Variants in WASF3 observed in about 807,000 individuals in gnomAD.
WASF3 encodes actin-binding protein WASF3.
In WASF3, 11 loss-of-function variants were observed where a neutral mutation model predicts 46.6. That is an observed-to-expected ratio of 0.24 (90% CI 0.15 to 0.39). The LOEUF (loss-of-function observed/expected upper bound fraction) is 0.39, where lower values mean the gene tolerates loss of function less well. Ranked by LOEUF, WASF3 falls within the 10% of genes least tolerant of loss-of-function variation. WASF3 has a pLI of 1.00. For missense variants in WASF3, 576 were observed against 669.8 expected (o/e 0.86, Z 1.55); for synonymous variants, 242 against 259.7 (o/e 0.93, Z 0.65).
chr13:26,603,521 A>T (rs760384759), intron 1 of WASF3, among the ~76,000 whole-genome samples: 4 of 152,174 alleles, frequency 2.6e-5, no homozygotes, highest in Non-Finnish European at 5.9e-5. Flanking sequence ...AGCAACTTTA[A>T]GCACAGTTAA....
chr13:26,555,863 C>A (rs1229212168), upstream of WASF3, among the ~76,000 whole-genome samples: 1 of 152,206 alleles, frequency 6.6e-6, no homozygotes, highest in African/African-American at 2.4e-5. Flanking sequence ...GATGCAGCAA[C>A]ATTTTATTAA....
chr13:26,549,663 C>A, the WASF3 span, among the ~76,000 whole-genome samples: 1 of 152,194 alleles, frequency 6.6e-6, no homozygotes, highest in Non-Finnish European at 1.5e-5. Context: ...GATGACTCAT[C>A]TGTCAAATAT....
chr13:26,665,698 A>G (rs1882750335), intron 4 of WASF3, among the ~76,000 whole-genome samples: 2 of 152,214 alleles, frequency 1.3e-5, no homozygotes, highest in Middle Eastern at 3.2e-3. Flanking sequence ...GTCGACAAGC[A>G]TTGTATAGTT....
At chr13:26,661,672 G>T (rs922096343) in intron 3 of WASF3, among the ~76,000 whole-genome samples, 1 of 152,096 alleles carries the variant, frequency 6.6e-6, no homozygotes, top group African/African-American at 2.4e-5. Context: ...ATTTTGGGGG[G>T]AACCACCACA....
chr13:26,659,822 G>T (rs1197722934), intron 3 of WASF3, among the ~76,000 whole-genome samples: 2 of 152,160 alleles, frequency 1.3e-5, no homozygotes, highest in African/African-American at 4.8e-5. Flanking sequence ...GAATGGAGCT[G>T]GCTCTTCCAA....
intron 4 of WASF3, among the ~76,000 whole-genome samples, chr13:26,665,367 T>C (rs993818756): frequency 2.0e-5 from 3 of 152,248 alleles, no homozygotes; most frequent in African/African-American, 7.2e-5. Context: ...CTCATAACTC[T>C]ATACTCTTTT....
intron 1 of WASF3, among the ~76,000 whole-genome samples, chr13:26,611,910 A>G (rs1486205261): frequency 6.6e-6 from 1 of 151,650 alleles, no homozygotes; most frequent in Non-Finnish European, 1.5e-5. Flanking sequence ...ACTGGCCTAC[A>G]TAGAATTCAT....
intron 1 of WASF3, among the ~76,000 whole-genome samples, chr13:26,608,048 C>T (rs1434213416): frequency 1.4e-5 from 2 of 146,590 alleles, no homozygotes; most frequent in Admixed American, 6.9e-5. Flanking sequence ...CCCACCCCCC[C>T]GTCCCCCTTA....
intron 3 of WASF3, among the ~76,000 whole-genome samples, chr13:26,657,970 T>C (rs1353874608): frequency 6.6e-6 from 1 of 152,218 alleles, no homozygotes; most frequent in Non-Finnish European, 1.5e-5. Flanking sequence ...AAATGTAGTA[T>C]CAGTTGCATG....
Position 26,577,105 on chromosome 13 carries a change from T to C in WASF3, c.-109+19286T>C, listed in dbSNP as rs1879821856. 1.0e-5 allele frequency: 8 copies of C among 798,590 alleles called. No homozygotes were observed. In the South Asian group the frequency reaches 1.1e-4, roughly 11 times the overall value. 49.5% of individuals were successfully genotyped at this position (798,590 alleles called of 1,614,324 possible). A position where few individuals can be genotyped will look rare whatever the true frequency, so the allele number is the denominator to read the frequency against. On this transcript the variant is annotated intron_variant, in intron 1 of 9. Transcript: ENST00000335327. ...TGTGTTTGAAGTGAGTCTTGCTGAT[T>C]TGCAGAAAGATGAGATTGCATTTAG...
intron 6 of WASF3, among the ~76,000 whole-genome samples, chr13:26,674,733 T>C (rs1320667632): frequency 6.6e-6 from 1 of 152,216 alleles, no homozygotes; most frequent in Non-Finnish European, 1.5e-5. Flanking sequence ...GTTATCCCTC[T>C]ACTTAGGTGC....
chr13:26,571,539 T>G (rs1208869141), intron 1 of WASF3, among the ~76,000 whole-genome samples: 1 of 152,204 alleles, frequency 6.6e-6, no homozygotes, highest in Non-Finnish European at 1.5e-5. Context: ...TGCTGTATAT[T>G]AGATTTCTGT....
upstream of WASF3, among the ~76,000 whole-genome samples, chr13:26,556,838 T>C (rs1879107890): frequency 6.6e-6 from 1 of 152,258 alleles, no homozygotes; most frequent in Admixed American, 6.5e-5. Context: ...TTAGTGATCC[T>C]ATTGGTAAAT....
intron 3 of WASF3, among the ~76,000 whole-genome samples, chr13:26,661,412 A>G (rs1240792654): frequency 2.0e-5 from 3 of 152,192 alleles, no homozygotes; most frequent in Non-Finnish European, 4.4e-5. Context: ...GCCTAATGTC[A>G]TCCTCAAGGT....
At chr13:26,547,561 A>T in the WASF3 span, among the ~76,000 whole-genome samples, 1 of 152,052 alleles carries the variant, frequency 6.6e-6, no homozygotes, top group Non-Finnish European at 1.5e-5. Flanking sequence ...GCTTGGCCTT[A>T]CTGATTCCTT....
At chr13:26,619,889 C>T (rs1881251552) in intron 2 of WASF3, among the ~76,000 whole-genome samples, 1 of 152,032 alleles carries the variant, frequency 6.6e-6, no homozygotes, top group Non-Finnish European at 1.5e-5. Context: ...TACTTGAATA[C>T]CAAAGCAGAC....
chr13:26,636,515 A>C (rs1566058663), intron 2 of WASF3, among the ~76,000 whole-genome samples: 1 of 152,202 alleles, frequency 6.6e-6, no homozygotes, highest in Non-Finnish European at 1.5e-5. Context: ...CATGGGCTGC[A>C]CCCACTGTCC....
Position 26,566,349 on chromosome 13 carries a change from C to T in WASF3, c.-109+8530C>T, listed in dbSNP as rs545075461. ...GTCATTAAATGAATGTCTGGATTAG[C>T]TTATAGGAAGTGCTCACAGTAATAA... On this transcript the variant is annotated intron_variant, in intron 1 of 9. Coordinates refer to ENST00000335327, the MANE Select transcript of WASF3 (RefSeq NM_006646.6). Among the ~76,000 whole-genome samples the T allele has an allele frequency of 9.9e-5, 15 of 152,150 alleles. No individual in the cohort carries two copies. The South Asian group carries it at 2.9e-3, about 30-fold the overall frequency.
chr13:26,670,019 G>A (rs539995315), intron 5 of WASF3, among the ~76,000 whole-genome samples: 1 of 152,218 alleles, frequency 6.6e-6, no homozygotes, highest in South Asian at 2.1e-4. Flanking sequence ...TATACCCAAA[G>A]GATTATAAAT....
Sources: gnomAD v4.1 joint callset for allele counts (sites outside exome capture counted in the v4.1 genomes callset) on GRCh38, gnomAD v4.1.1 for gene constraint, MANE v1.5 for transcripts, NCBI Gene and HGNC (gene_info 2026-07-23, HGNC 2026-07-21) for gene names.